The following CAMTA1 variants were observed in gnomAD, a reference collection of about 807,000 sequenced individuals.
CAMTA1 encodes the protein calmodulin binding transcription activator 1.
In CAMTA1, 27 loss-of-function variants were observed where a neutral mutation model predicts 170.9. The observed-to-expected ratio is 0.16, with a 90% CI of 0.12 to 0.22. The LOEUF is 0.22. CAMTA1 is among the 10% of genes least tolerant of loss of function. The pLI, the probability that CAMTA1 is intolerant of heterozygous loss-of-function variation, is 1.00. For missense variants in CAMTA1, 1,619 were observed against 2,217.2 expected, an observed-to-expected ratio of 0.73 and a Z score of 5.42; for synonymous variants, 833 against 891.5, an observed-to-expected ratio of 0.93 and a Z score of 1.17.
rs961474352 is a variant in CAMTA1, at chr1:7,224,013, G to C, written c.303-25478G>C. On this transcript the variant is annotated intron_variant, in intron 4 of 22. Coordinates refer to ENST00000303635, the MANE Select transcript of CAMTA1 (RefSeq NM_015215.4). This position sits in a 1 kb window ranked among gnomAD's most constrained non-coding sequence, Gnocchi z 5.2. ...AACTCGATCACCCCAGATGACCAGA[G>C]ATCTTCTGGGTGTGTAATGACCACA... is the stretch of plus-strand genomic sequence containing the variant. 2.6e-5 allele frequency among the ~76,000 whole-genome samples: 4 copies of C among 152,178 alleles called. No individual in the cohort carries two copies. Among genetic ancestry groups the C allele is most frequent in the Non-Finnish European group, 4.4e-5 (3 of 68,032 alleles).
chr1:7,143,736 A>T (rs74051150), intron 4 of CAMTA1, among the ~76,000 whole-genome samples: 4,944 of 152,222 alleles, frequency 0.032, 165 homozygotes, highest in African/African-American at 0.082. Flanking sequence ...AAAAGTATTT[A>T]TGGTCTACCT....
At chr1:7,091,524 C>T (rs1641463689) in intron 4 of CAMTA1, among the ~76,000 whole-genome samples, 153 bp downstream of exon 4, 1 of 152,178 alleles carries the variant, frequency 6.6e-6, no homozygotes, top group South Asian at 2.1e-4. Context: ...CATTCATTGA[C>T]ATAAGACTGT....
chr1:7,445,482 G>C (rs2092657115), intron 5 of CAMTA1, among the ~76,000 whole-genome samples: 1 of 152,040 alleles, frequency 6.6e-6, no homozygotes, highest in South Asian at 2.1e-4. Context: ...TGCCAGTGTG[G>C]CCCACAGGGA....
intron 1 of CAMTA1, among the ~76,000 whole-genome samples, chr1:6,792,908 T>A (rs1641519429): frequency 6.6e-6 from 1 of 152,222 alleles, no homozygotes; most frequent in East Asian, 1.9e-4. Context: ...AAAGTGACAT[T>A]TCTTGAAAGA....
intron 5 of CAMTA1, chr1:7,441,076 C>G (rs971887457): frequency 5.3e-5 from 8 of 152,194 alleles, no homozygotes; most frequent in African/African-American, 1.9e-4. Context: ...CCACTTACCC[C>G]CAAGTGCTCA....
chr1:7,599,761 GA>G (rs1371285263), intron 6 of CAMTA1, among the ~76,000 whole-genome samples: 1 of 152,168 alleles, frequency 6.6e-6, no homozygotes, highest in East Asian at 1.9e-4. Flanking sequence ...TGGTGTATAA[GA>G]ATGCTTGTGA....
rs186081886 is a variant in CAMTA1, at chr1:7,540,591, T to A, written c.510+72690T>A. Among the ~76,000 whole-genome samples, 13 of 152,300 alleles carry A rather than the reference T, an allele frequency of 8.5e-5. No homozygotes were observed. In the East Asian group the frequency reaches 2.5e-3, roughly 29 times the overall value. ...ACTGGTGCAGGAAATGTTGTGCACATTCCTCTTTGCACGACAGCTGGATTC... is the reference window on the plus strand; with the variant it reads ...ACTGGTGCAGGAAATGTTGTGCACAATCCTCTTTGCACGACAGCTGGATTC... On this transcript the variant is annotated intron_variant, in intron 6 of 22. Transcript: ENST00000303635.
intron 3 of CAMTA1, among the ~76,000 whole-genome samples, chr1:7,083,516 G>T (rs1007816892): frequency 2.0e-5 from 3 of 152,162 alleles, no homozygotes; most frequent in Admixed American, 6.5e-5. Context: ...AGTGGACAGG[G>T]ACAGGAATGT....
At chr1:7,655,189 CACACACCCCTATACACACAA>C (rs2095882827) in intron 7 of CAMTA1, among the ~76,000 whole-genome samples, 1 of 145,668 alleles carries the variant, frequency 6.9e-6, no homozygotes, top group Non-Finnish European at 1.5e-5. Flanking sequence ...TATACACAAA[CACACACCCCTATACACACAA>C]ACACACCCAT....
chr1:7,107,278 A>ATGTGTGTGTG (rs148905936), intron 4 of CAMTA1, among the ~76,000 whole-genome samples: 19,089 of 142,034 alleles, frequency 0.13, 1,763 homozygotes, highest in East Asian at 0.28. Context: ...GTGTGTGTGC[A>ATGTGTGTGTG]TGTGTGTGTG....
chr1:7,227,560 C>T (rs1661943906), intron 4 of CAMTA1, among the ~76,000 whole-genome samples: 1 of 152,064 alleles, frequency 6.6e-6, no homozygotes, highest in South Asian at 2.1e-4. Context: ...AACTCCCAAC[C>T]TCAGGTGATC....
At chr1:7,177,696 C>G (rs1315052619) in intron 4 of CAMTA1, among the ~76,000 whole-genome samples, 1 of 150,686 alleles carries the variant, frequency 6.6e-6, no homozygotes, top group Non-Finnish European at 1.5e-5. Flanking sequence ...ACCAGTACCC[C>G]TCCCCACACA....
chr1:6,841,548 G>A (rs957099916), intron 3 of CAMTA1, among the ~76,000 whole-genome samples: 12 of 152,092 alleles, frequency 7.9e-5, no homozygotes, highest in African/African-American at 2.4e-4. Flanking sequence ...AGGACGTGGA[G>A]GCTACACATC....
intron 6 of CAMTA1, among the ~76,000 whole-genome samples, chr1:7,502,806 G>A (rs372277900): frequency 3.3e-5 from 5 of 152,202 alleles, no homozygotes; most frequent in African/African-American, 7.2e-5. Context: ...TGTGTAGTAC[G>A]TTTCCAGAGA....
intron 6 of CAMTA1, among the ~76,000 whole-genome samples, chr1:7,556,646 C>G (rs1318140279): frequency 6.6e-6 from 1 of 152,144 alleles, no homozygotes; most frequent in East Asian, 1.9e-4. Context: ...ACCCCACGCT[C>G]CAGACACACT....
intron 4 of CAMTA1, among the ~76,000 whole-genome samples, chr1:7,171,847 G>T (rs577800345): frequency 6.6e-6 from 1 of 152,162 alleles, no homozygotes; most frequent in Non-Finnish European, 1.5e-5. Flanking sequence ...ATGTTTCATA[G>T]AAATGGAATC....
intron 6 of CAMTA1, among the ~76,000 whole-genome samples, chr1:7,621,716 CT>C (rs2095599825): frequency 6.6e-6 from 1 of 152,194 alleles, no homozygotes; most frequent in Admixed American, 6.5e-5. Context: ...AGTGCTCGCC[CT>C]TCTGGAAGTT....
chr1:7,318,942 C>T (rs1352464667), intron 5 of CAMTA1, among the ~76,000 whole-genome samples: 1 of 152,128 alleles, frequency 6.6e-6, no homozygotes. Context: ...AGCACGAAAT[C>T]GTGTGTGTTG....
At position 7,455,446 on chromosome 1, in the gene CAMTA1, T is replaced by C. The variant is rs142336807; in HGVS notation, c.439-12384T>C. 3.1e-3 allele frequency among the ~76,000 whole-genome samples: 466 copies of C among 152,364 alleles called. 4 individuals are homozygous for C. The highest frequency in any genetic ancestry group is 0.011 in the African/African-American group (438 of 41,582). ...AGTAATTCTAACCTTAAAAATCTGCTGATGAAAGCTGGTTTCAGGAATCCA... is the reference window on the plus strand; with the variant it reads ...AGTAATTCTAACCTTAAAAATCTGCCGATGAAAGCTGGTTTCAGGAATCCA... On this transcript the variant is annotated intron_variant, in intron 5 of 22. Transcript: ENST00000303635. This position sits in a 1 kb window ranked among gnomAD's most constrained non-coding sequence, Gnocchi z 5.0.
Sources: allele counts gnomAD v4.1 joint callset (sites outside exome capture counted in the v4.1 genomes callset), GRCh38; gene constraint gnomAD v4.1.1; non-coding constraint Gnocchi (gnomAD v3.1); transcripts MANE v1.5; gene names NCBI Gene and HGNC (gene_info 2026-07-23, HGNC 2026-07-21).